The following SDK1 variants were observed in gnomAD, a reference collection of about 807,000 sequenced individuals.
SDK1 encodes the protein sidekick cell adhesion molecule 1.
Under a neutral mutation model 245.5 loss-of-function variants are expected in SDK1, and 157 were observed. That is an observed-to-expected ratio of 0.64 (90% CI 0.56 to 0.73). SDK1 has a LOEUF of 0.73. Ranked by LOEUF, SDK1 falls within the 30% of genes least tolerant of loss-of-function variation. The pLI is 0.00. For synonymous variants in SDK1, 1,647 were observed against 1,278.5 expected, an observed-to-expected ratio of 1.29 and a Z score of -6.15; for missense variants, 3,583 against 3,002.3, an observed-to-expected ratio of 1.19 and a Z score of -4.52.
intron 19 of SDK1, 149 bp downstream of exon 19, chr7:4,051,979 G>A (rs1778884848): frequency 3.0e-6 from 2 of 656,152 alleles, no homozygotes; most frequent in Non-Finnish European, 5.1e-6. Context: ...AGGGAGATCA[G>A]GCATCAGTAC....
chr7:3,466,094 T>C (rs1780991979), intron 1 of SDK1, among the ~76,000 whole-genome samples: 1 of 152,024 alleles, frequency 6.6e-6, no homozygotes, highest in South Asian at 2.1e-4. Context: ...TTACAGGATA[T>C]GCCTTGACTA....
chr7:3,674,125 ACAGT>A (rs1358452561), intron 4 of SDK1, among the ~76,000 whole-genome samples: 1 of 152,222 alleles, frequency 6.6e-6, no homozygotes, highest in African/African-American at 2.4e-5. Context: ...TGATTGAAGC[ACAGT>A]CAATGTGTAT....
At chr7:3,582,102 A>G (rs1780517387) in intron 1 of SDK1, among the ~76,000 whole-genome samples, 1 of 146,224 alleles carries the variant, frequency 6.8e-6, no homozygotes, top group African/African-American at 2.5e-5. Flanking sequence ...TGTCTCAGGT[A>G]GGTCTCCCTC....
chr7:3,666,294 C>T (rs1490870290), intron 4 of SDK1, among the ~76,000 whole-genome samples: 2 of 152,218 alleles, frequency 1.3e-5, no homozygotes, highest in Non-Finnish European at 2.9e-5. Flanking sequence ...CTTCACAAGG[C>T]AGCCACGCTC....
chr7:4,018,895 C>A (rs1786645930), intron 17 of SDK1, among the ~76,000 whole-genome samples: 1 of 151,590 alleles, frequency 6.6e-6, no homozygotes, highest in Non-Finnish European at 1.5e-5. Flanking sequence ...ACTCTAGAGA[C>A]AAAAAAAATG....
At chr7:4,157,427 A>AAGGAGGGAAGGAAGGAGGGAAGGAAGG in intron 30 of SDK1, among the ~76,000 whole-genome samples, 1 of 109,148 alleles carries the variant, frequency 9.2e-6, no homozygotes, top group East Asian at 2.5e-4. Flanking sequence ...GGAGGGAAGG[A>AAGGAGGGAAGGAAGGAGGGAAGGAAGG]AGGCAAGAGA....
At position 3,766,156 on chromosome 7, in the gene SDK1, T is replaced by C. The variant is rs1780247822; in HGVS notation, c.714-55294T>C. Among the ~76,000 whole-genome samples, 3 of 152,226 alleles carry C rather than the reference T, an allele frequency of 2.0e-5. No homozygotes were observed. In the South Asian group the frequency reaches 6.2e-4, roughly 32 times the overall value. On this transcript the variant is annotated intron_variant, in intron 4 of 44. Coordinates refer to ENST00000404826, the MANE Select transcript of SDK1 (RefSeq NM_152744.4). The stretch of plus-strand genomic sequence containing the variant: ...TTGAGGATTGACATCTTGAATTTTT[T>C]GTGCAAAATTTGAATATTAATTTAT...
At chr7:3,981,409 C>T (rs1048734913) in intron 13 of SDK1, among the ~76,000 whole-genome samples, 3 of 152,110 alleles carry the variant, frequency 2.0e-5, no homozygotes, top group African/African-American at 7.2e-5. Context: ...CCTGCAAAGG[C>T]CTCTGAGTGT....
At chr7:3,343,136 C>T (rs1437876235) in intron 1 of SDK1, among the ~76,000 whole-genome samples, 2 of 152,054 alleles carry the variant, frequency 1.3e-5, no homozygotes, top group Non-Finnish European at 2.9e-5. Context: ...AAACGTAGAA[C>T]TATGATACAA....
chr7:3,628,671 C>A (rs1347277017), intron 2 of SDK1, among the ~76,000 whole-genome samples: 1 of 152,188 alleles, frequency 6.6e-6, no homozygotes, highest in East Asian at 1.9e-4. Context: ...CTTTGTCTCC[C>A]TAAAAACTGG....
intron 22 of SDK1, among the ~76,000 whole-genome samples, chr7:4,098,286 T>C (rs1054197882): frequency 3.9e-5 from 6 of 152,310 alleles, no homozygotes; most frequent in African/African-American, 1.4e-4. Flanking sequence ...ACAAATGTCA[T>C]TTTCGAAAAA....
At chr7:3,906,542 T>A (rs917982778) in intron 5 of SDK1, among the ~76,000 whole-genome samples, 1 of 151,688 alleles carries the variant, frequency 6.6e-6, no homozygotes, top group African/African-American at 2.4e-5. Context: ...CCTGCTGGTT[T>A]CAATGGTTTA....
chr7:4,072,969 A>G (rs140796544), intron 20 of SDK1, among the ~76,000 whole-genome samples: 37 of 152,356 alleles, frequency 2.4e-4, no homozygotes, highest in African/African-American at 7.9e-4. Context: ...CTCCTTCAGT[A>G]AACTCTGATT....
At chr7:4,207,989 G>A in intron 36 of SDK1, 110 bp from the exon 37 acceptor site, 1 of 791,610 alleles carries the variant, frequency 1.3e-6, no homozygotes, top group South Asian at 1.7e-5. Context: ...ACCCAGCACA[G>A]CTCGCCCCAG....
intron 1 of SDK1, among the ~76,000 whole-genome samples, chr7:3,611,394 A>C (rs1267702776): frequency 2.6e-5 from 4 of 152,016 alleles, no homozygotes; most frequent in Non-Finnish European, 4.4e-5. Flanking sequence ...CGCCGCCTCT[A>C]GTTCACATTT....
intron 5 of SDK1, among the ~76,000 whole-genome samples, chr7:3,905,142 G>A (rs1289982982): frequency 2.0e-5 from 3 of 150,478 alleles, no homozygotes; most frequent in African/African-American, 7.3e-5. Flanking sequence ...TTCATATCCT[G>A]GAAATCAGCC....
rs182866358 is a variant in SDK1 at position 3,613,329 on chromosome 7, C to T, written c.299-5751C>T. ...CTAGATGAGCAGAAGATTATTCTCA[C>T]ATTGGAGAGGTAACATTAAATACAT... On this transcript the variant is annotated intron_variant, in intron 1 of 44. Transcript: ENST00000404826. 2.5e-3 allele frequency among the ~76,000 whole-genome samples: 381 copies of T among 152,280 alleles called. 2 individuals are homozygous for T. Among genetic ancestry groups the T allele is most frequent in the South Asian group, 0.013 (62 of 4,828 alleles).
intron 19 of SDK1, among the ~76,000 whole-genome samples, chr7:4,052,923 C>T (rs924208962): frequency 1.9e-4 from 29 of 151,678 alleles, no homozygotes; most frequent in Admixed American, 6.6e-4. Flanking sequence ...CCCGTCATTA[C>T]GAAAAATACA....
At chr7:4,194,106 A>T (rs1252810882) in intron 35 of SDK1, among the ~76,000 whole-genome samples, 1 of 152,150 alleles carries the variant, frequency 6.6e-6, no homozygotes, top group East Asian at 1.9e-4. Context: ...GAAGAACTCC[A>T]TCCTGAATAT....
Sources: gnomAD v4.1 joint callset for allele counts (sites outside exome capture counted in the v4.1 genomes callset) on GRCh38, gnomAD v4.1.1 for gene constraint, MANE v1.5 for transcripts, NCBI Gene and HGNC (gene_info 2026-07-23, HGNC 2026-07-21) for gene names.